The following PCDH7 variants were observed in gnomAD, a reference collection of about 807,000 sequenced individuals.
PCDH7 encodes the protein protocadherin-7.
A neutral mutation model predicts 58.9 loss-of-function variants in PCDH7; 17 were observed. The observed-to-expected ratio is 0.29, with a 90% CI of 0.20 to 0.43. The LOEUF is 0.43. Ranked by LOEUF, PCDH7 falls within the 20% of genes least tolerant of loss-of-function variation. The pLI is 1.00. For missense variants in PCDH7, 1,274 were observed against 1,441.0 expected, an observed-to-expected ratio of 0.88 and a Z score of 1.88; for synonymous variants, 664 against 616.4, an observed-to-expected ratio of 1.08 and a Z score of -1.14.
At chr4:31,054,224 C>T (rs1416088200) in intron 3 of PCDH7, among the ~76,000 whole-genome samples, 1 of 152,168 alleles carries the variant, frequency 6.6e-6, no homozygotes, top group Non-Finnish European at 1.5e-5. Flanking sequence ...CCTCAGCATC[C>T]CAGAGTGCTG....
intron 3 of PCDH7, among the ~76,000 whole-genome samples, chr4:31,003,833 G>A (rs1345021835): frequency 1.3e-5 from 2 of 149,714 alleles, no homozygotes; most frequent in East Asian, 1.9e-4. Context: ...GCATGAACCC[G>A]AAAAAAAAAG....
intron 1 of PCDH7, among the ~76,000 whole-genome samples, chr4:30,835,225 C>T (rs990985436): frequency 5.3e-5 from 8 of 152,046 alleles, no homozygotes; most frequent in East Asian, 1.9e-4. Flanking sequence ...TCCCAACCCC[C>T]GGGCCACGAA....
chr4:31,086,492 C>A (rs1712457198), intron 3 of PCDH7, among the ~76,000 whole-genome samples: 1 of 152,054 alleles, frequency 6.6e-6, no homozygotes, highest in Non-Finnish European at 1.5e-5. Context: ...ATGCTTGACC[C>A]TAAATGTATT....
chr4:30,801,793 G>A (rs1010334796), intron 1 of PCDH7, among the ~76,000 whole-genome samples: 1 of 152,186 alleles, frequency 6.6e-6, no homozygotes, highest in African/African-American at 2.4e-5. Flanking sequence ...AAATTGAGAA[G>A]TTAATAGGAA....
intron 3 of PCDH7, among the ~76,000 whole-genome samples, chr4:30,953,530 C>T (rs1395060798): frequency 2.7e-5 from 4 of 150,384 alleles, no homozygotes; most frequent in Non-Finnish European, 5.9e-5. Flanking sequence ...ATTTAGTCAG[C>T]TTGAAGAAAC....
intron 2 of PCDH7, among the ~76,000 whole-genome samples, chr4:30,941,892 G>T (rs796466462): frequency 2.0e-5 from 3 of 152,052 alleles, no homozygotes; most frequent in African/African-American, 7.2e-5. Flanking sequence ...CAGGATGTGA[G>T]AAGTTATAAA....
intron 1 of PCDH7, among the ~76,000 whole-genome samples, chr4:30,824,115 CTTT>C (rs1560407798): frequency 1.4e-5 from 2 of 142,070 alleles, no homozygotes; most frequent in Non-Finnish European, 3.1e-5. Flanking sequence ...TTCTTTCTTT[CTTT>C]CTTTCTTTCT....
rs78590698 is a variant in PCDH7, at chr4:30,961,810, C to T, written c.*7+11595C>T. 4.5e-3 allele frequency among the ~76,000 whole-genome samples: 679 copies of T among 152,244 alleles called. 3 individuals carry two copies. The highest frequency in any genetic ancestry group is 4.1e-3 in the Non-Finnish European group (279 of 68,022). ...TGTTTTTACTGCCATCTTTAAGCTG[C>T]AAACAGAGTCAATTCATCTCACCTG... On this transcript the variant is annotated intron_variant, in intron 3 of 3. Coordinates refer to the PCDH7 transcript ENST00000509759.
intron 1 of PCDH7, among the ~76,000 whole-genome samples, chr4:30,740,603 A>G (rs1716935894): frequency 6.6e-6 from 1 of 152,096 alleles, no homozygotes; most frequent in Non-Finnish European, 1.5e-5. Context: ...TTCATAGAGA[A>G]TAACATTTTG....
At chr4:31,061,959 A>G (rs972219166) in intron 3 of PCDH7, among the ~76,000 whole-genome samples, 2 of 151,666 alleles carry the variant, frequency 1.3e-5, no homozygotes, top group African/African-American at 4.8e-5. Context: ...GCTCCAGGAA[A>G]CACTCTACTT....
intron 1 of PCDH7, among the ~76,000 whole-genome samples, chr4:30,886,041 C>A (rs764715942): frequency 1.3e-5 from 2 of 151,700 alleles, no homozygotes; most frequent in Non-Finnish European, 2.9e-5. Flanking sequence ...CTAGGCATTA[C>A]CATTCAGGAC....
intron 1 of PCDH7, among the ~76,000 whole-genome samples, chr4:30,752,366 T>G (rs746563935): frequency 5.3e-5 from 8 of 152,156 alleles, no homozygotes; most frequent in Non-Finnish European, 1.2e-4. Context: ...TTGGCTTCTT[T>G]GGCATGATGG....
intron 3 of PCDH7, among the ~76,000 whole-genome samples, chr4:31,133,103 G>C (rs1719188215): frequency 6.6e-6 from 1 of 152,110 alleles, no homozygotes; most frequent in Non-Finnish European, 1.5e-5. Flanking sequence ...TGTAATTTCT[G>C]CTTGTTGAGG....
At chr4:30,945,575 C>T (rs1746572385) in intron 2 of PCDH7, among the ~76,000 whole-genome samples, 1 of 151,702 alleles carries the variant, frequency 6.6e-6, no homozygotes. Flanking sequence ...TCAGGTCATG[C>T]CTACACAACG....
intron 1 of PCDH7, among the ~76,000 whole-genome samples, chr4:30,830,611 C>T (rs1030990121): frequency 2.6e-5 from 4 of 151,978 alleles, no homozygotes; most frequent in Non-Finnish European, 4.4e-5. Flanking sequence ...GACTCTCTTT[C>T]CTGCTCTGCA....
At chr4:31,136,734 T>A (rs995843715) in intron 3 of PCDH7, among the ~76,000 whole-genome samples, 1 of 152,210 alleles carries the variant, frequency 6.6e-6, no homozygotes, top group Admixed American at 6.5e-5. Context: ...TGTGTTTGCC[T>A]GTCCAGTCTT....
chr4:31,029,654 C>T (rs1023773844), intron 3 of PCDH7, among the ~76,000 whole-genome samples: 14 of 152,198 alleles, frequency 9.2e-5, no homozygotes, highest in African/African-American at 2.7e-4. Context: ...ATCTGCCACA[C>T]TCCATTCATA....
chr4:31,134,096 A>T (rs1719300314), intron 3 of PCDH7, among the ~76,000 whole-genome samples: 1 of 152,114 alleles, frequency 6.6e-6, no homozygotes, highest in Admixed American at 6.6e-5. Flanking sequence ...ATATCTCTGA[A>T]AATGTTCTGT....
At chr4:31,082,274 G>A (rs1711595908) in intron 3 of PCDH7, among the ~76,000 whole-genome samples, 1 of 152,110 alleles carries the variant, frequency 6.6e-6, no homozygotes. Context: ...AATCAATATA[G>A]TCAAAATTCA....
Sources: allele counts gnomAD v4.1 joint callset (sites outside exome capture counted in the v4.1 genomes callset), GRCh38; gene constraint gnomAD v4.1.1; transcripts MANE v1.5; gene names NCBI Gene and HGNC (gene_info 2026-07-23, HGNC 2026-07-21).